The following POGZ variants were observed in gnomAD, a reference collection of about 807,000 sequenced individuals.
The protein encoded by POGZ is pogo transposable element derived with ZNF domain.
Under a neutral mutation model 134.6 loss-of-function variants are expected in POGZ, and 17 were observed. That is an observed-to-expected ratio of 0.13 (90% CI 0.09 to 0.19). POGZ has a LOEUF of 0.19. Ranked by LOEUF, POGZ falls within the 10% of genes least tolerant of loss-of-function variation. POGZ has a pLI of 1.00. For missense variants in POGZ, 1,306 were observed against 1,769.7 expected (o/e 0.74, Z 4.70); for synonymous variants, 693 against 657.1 (o/e 1.05, Z -0.84).
At chr1:151,440,579 T>C (rs1002479530) in intron 3 of POGZ, among the ~76,000 whole-genome samples, 4 of 152,178 alleles carry the variant, frequency 2.6e-5, no homozygotes, top group African/African-American at 4.8e-5. Flanking sequence ...GGGAAAATTC[T>C]TACCAAACTA....
rs934192477 is a variant in POGZ at position 151,405,920 on chromosome 1, G to A, written c.3115C>T (p.Arg1039Cys). 9 of 1,613,974 alleles carry A rather than the reference G, an allele frequency of 5.6e-6. No individual in the cohort carries two copies. The highest frequency in any genetic ancestry group is 2.7e-5 in the African/African-American group (2 of 74,892). The change falls in exon 19 of 19, where the codon CGC becomes TGC. Residue 1039 changes from arginine (R) to cysteine (C), a missense_variant. By Grantham distance (180) the Arg-to-Cys change is radical (BLOSUM62 -3). Coordinates refer to ENST00000271715, the MANE Select transcript of POGZ (RefSeq NM_015100.4). The surrounding 1 kb of genome is among the most constrained non-coding windows in gnomAD (Gnocchi z 4.9). The stretch of plus-strand genomic sequence containing the variant: ...TCATTTACAGGTAGCTGTTGTTCGC[G>A]CTGGGTTAGCACCCACTCAGCCAGT... ...EKLAEWVLTQ[R>C]EQQLPVNEET...
rs369744430 is a variant in POGZ, at chr1:151,424,016, T to C, written c.1456A>G (p.Asn486Asp). 1 of 1,614,186 alleles carries C rather than the reference T, an allele frequency of 6.2e-7. No homozygotes were observed. The change falls in exon 9 of 19, where the codon AAT becomes GAT. Residue 486 changes from asparagine to aspartate, a missense_variant. By Grantham distance (23) the Asn-to-Asp change is conservative. This residue lies in a region of POGZ where 541 missense variants were observed against 680.5 expected (regional missense o/e 0.80). Coordinates refer to ENST00000271715, the MANE Select transcript of POGZ (RefSeq NM_015100.4). ...RDGGKVAQLT[N>D]FPKVATSFRC... The stretch of plus-strand genomic sequence containing the variant: ...AAAGATGTGGCGACCTTAGGGAAAT[T>C]TGTGAGCTGGGCTACTTTGCCACCA...
At chr1:151,437,264 CGT>C (rs922101426) in intron 3 of POGZ, among the ~76,000 whole-genome samples, 1 of 150,232 alleles carries the variant, frequency 6.7e-6, no homozygotes, top group Admixed American at 6.6e-5. Context: ...TTGTCTTCTC[CGT>C]GTGTGTTTTT....
At chr1:151,437,185 TG>T (rs1210047431) in intron 3 of POGZ, among the ~76,000 whole-genome samples, 1 of 147,964 alleles carries the variant, frequency 6.8e-6, no homozygotes, top group Non-Finnish European at 1.5e-5. Flanking sequence ...CAAAGCAGGC[TG>T]GAGTGCAGAC....
chr1:151,440,919 C>G lies in POGZ; in HGVS notation c.283+9G>C. ...CCCAGGATTATTATTTCCCAATAAT[C>G]CCACTTACCATTGTTGTTGGCAATT... On this transcript the variant is annotated intron_variant, in intron 3 of 18. Coordinates refer to ENST00000271715, the MANE Select transcript of POGZ (RefSeq NM_015100.4). 3.7e-6 allele frequency: 6 copies of G among 1,611,064 alleles called. No individual in the cohort carries two copies. Among genetic ancestry groups the G allele is most frequent in the Non-Finnish European group, 5.1e-6 (6 of 1,177,552 alleles).
chr1:151,422,707 T>C (rs865824263), intron 10 of POGZ, among the ~76,000 whole-genome samples: 3 of 152,282 alleles, frequency 2.0e-5, no homozygotes, highest in Middle Eastern at 6.8e-3. Flanking sequence ...TTCTCCTGTC[T>C]CAGCCTCCCG....
In POGZ at chr1:151,405,308, G is replaced by A; in HGVS notation, c.3727C>T (p.Leu1243Phe). The A allele has an allele frequency of 6.2e-7, 1 of 1,614,184 alleles. No individual in the cohort carries two copies. Among genetic ancestry groups the A allele is most frequent in the Non-Finnish European group, 8.5e-7 (1 of 1,180,004 alleles). ...GCAGGCAAAGTGCTAGAGGCACTAA[G>A]CATAGCCAGTACCTCTTCTGACAAG... ...THLSEEVLAM[L>F]SASSTLPAVV... Residue 1243 changes from leucine to phenylalanine, a missense_variant, in exon 19 of 19, where the codon CTT (leucine) becomes TTT (phenylalanine). Leu to Phe is a conservative substitution (Grantham distance 22). This residue lies in a region of POGZ where 67 missense variants were observed against 105.8 expected (regional missense o/e 0.63). Coordinates refer to ENST00000271715, the MANE Select transcript of POGZ (RefSeq NM_015100.4). This position sits in a 1 kb window ranked among gnomAD's most constrained non-coding sequence, Gnocchi z 4.9.
Position 151,403,341 on chromosome 1 carries a change from AAAAC to A in POGZ, c.*1457_*1460del, listed in dbSNP as rs1381736194. The A allele has an allele frequency of 7.2e-5, 71 of 985,628 alleles. No individual in the cohort carries two copies. The highest frequency in any genetic ancestry group is 8.6e-5 in the Non-Finnish European group (71 of 829,898). The allele number at this position is 985,628 out of a possible 1,614,324, so 61.1% of individuals were successfully genotyped here. Reference sequence around the variant, plus strand: ...CTATTAAACAGGGTCACCTAGAAAAAAAACAAGTTTATAAATCCATTTCCCCTCA... The same window carrying A: ...CTATTAAACAGGGTCACCTAGAAAAAAAGTTTATAAATCCATTTCCCCTCA... On this transcript the variant is annotated 3_prime_UTR_variant, in exon 19 of 19. Transcript: ENST00000271715.
At chr1:151,409,345 CACAAAT>C (rs1654248275) in intron 12 of POGZ, among the ~76,000 whole-genome samples, 2 of 152,156 alleles carry the variant, frequency 1.3e-5, no homozygotes, top group Non-Finnish European at 2.9e-5. Context: ...ATAACTGTAT[CACAAAT>C]ACATTCATAT....
In POGZ at chr1:151,441,003, T is replaced by G. The variant is rs1314607982; in HGVS notation, c.208A>C (p.Thr70Pro). The change falls in exon 3 of 19, where the codon ACC becomes CCC. Residue 70 changes from threonine (T) to proline (P), a missense_variant. Around this residue, in one of 10 missense-constraint regions of POGZ, gnomAD observed 541 missense variants for 680.5 expected, o/e 0.80. Transcript: ENST00000271715. The stretch of plus-strand genomic sequence containing the variant: ...TTCTGTGCCCCGCTGCTACTAACGG[T>G]GGTGGATGTAGAGAGGTGCCCAGCA... ...SVAGHLSTST[T>P]VSSSGAQNSD... The G allele has an allele frequency of 3.7e-6, 6 of 1,613,760 alleles. No individual in the cohort carries two copies. The highest frequency in any genetic ancestry group is 5.1e-6 in the Non-Finnish European group (6 of 1,179,752).
chr1:151,454,863 A>G (rs939736140), intron 1 of POGZ: 2 of 152,236 alleles, frequency 1.3e-5, no homozygotes, highest in African/African-American at 4.8e-5. Flanking sequence ...TAATCCCAGC[A>G]CTTTGGGAGG....
At chr1:151,428,473 C>T (rs1658141701) in intron 5 of POGZ, 60 bp from the exon 6 acceptor site, 1 of 1,421,286 alleles carries the variant, frequency 7.0e-7, no homozygotes, top group Middle Eastern at 1.8e-4. Flanking sequence ...AACACATTCT[C>T]CCTGCCTTTA....
At chr1:151,408,658 C>T (rs1386334199) in intron 13 of POGZ, 36 bp downstream of exon 13, 31 of 1,610,128 alleles carry the variant, frequency 1.9e-5, no homozygotes, top group Non-Finnish European at 2.5e-5. Flanking sequence ...ATTCCTCCCT[C>T]CCTGGGCCTA....
chr1:151,449,339 T>C (rs1437687514), intron 1 of POGZ, among the ~76,000 whole-genome samples: 1 of 152,286 alleles, frequency 6.6e-6, no homozygotes, highest in South Asian at 2.1e-4. Context: ...CATTTGGCAA[T>C]GTCTAGAGAC....
At chr1:151,458,663 C>T (rs958948225) in intron 1 of POGZ, among the ~76,000 whole-genome samples, 9 of 145,862 alleles carry the variant, frequency 6.2e-5, no homozygotes, top group African/African-American at 1.7e-4. Context: ...CCCGCCGCGC[C>T]CCGCCGTCTC....
intron 3 of POGZ, among the ~76,000 whole-genome samples, chr1:151,436,177 C>T (rs953512387): frequency 6.6e-6 from 1 of 151,920 alleles, no homozygotes; most frequent in African/African-American, 2.4e-5. Context: ...AGGCTGGTCT[C>T]GAACTCCTGA....
In POGZ at chr1:151,405,741, T is replaced by C. The variant is rs1653477447; in HGVS notation, c.3294A>G (p.Ala1098=). ...AVAHTLPKDV[A]ENAGLFIDFV... ...AATCAATGAAGAGTCCTGCATTCTCTGCTACATCCTTAGGTAGGGTGTGGG... is the reference window on the plus strand; with the variant it reads ...AATCAATGAAGAGTCCTGCATTCTCCGCTACATCCTTAGGTAGGGTGTGGG... Residue 1098 remains alanine (A), a synonymous_variant, in exon 19 of 19, where the codon GCA becomes GCG. Transcript: ENST00000271715. This position sits in a 1 kb window ranked among gnomAD's most constrained non-coding sequence, Gnocchi z 4.9. The C allele has an allele frequency of 6.2e-7, 1 of 1,614,232 alleles. No homozygotes were observed. The highest frequency in any genetic ancestry group is 8.5e-7 in the Non-Finnish European group (1 of 1,180,026).
Position 151,411,618 on chromosome 1 carries a change from C to G in POGZ, c.1926+7G>C. 6.3e-6 allele frequency: 10 copies of G among 1,593,842 alleles called. No individual in the cohort carries two copies. The highest frequency in any genetic ancestry group is 1.7e-5 in the Admixed American group (1 of 57,264). ...AGAGAATATGGGAATTGCTTGGTGC[C>G]TAGTACCTGGTGCCTCATGTAATGC... On this transcript the variant is annotated splice_region_variant and intron_variant, in intron 12 of 18. Transcript: ENST00000271715.
intron 3 of POGZ, among the ~76,000 whole-genome samples, chr1:151,435,715 G>A (rs1418221318): frequency 1.3e-5 from 2 of 151,766 alleles, no homozygotes; most frequent in Non-Finnish European, 2.9e-5. Flanking sequence ...GGCTGGTCTT[G>A]AACTCCTGAC....
Sources: allele counts gnomAD v4.1 joint callset (sites outside exome capture counted in the v4.1 genomes callset), GRCh38; gene constraint gnomAD v4.1.1; regional missense constraint gnomAD v4.1.1; non-coding constraint Gnocchi (gnomAD v3.1); transcripts MANE v1.5; gene names NCBI Gene and HGNC (gene_info 2026-07-23, HGNC 2026-07-21).